The following HMGA2 variants were observed in gnomAD, a reference collection of about 807,000 sequenced individuals.
HMGA2 encodes high mobility group AT-hook 2, also known as high mobility group protein HMGI-C.
Under a neutral mutation model 19.1 loss-of-function variants are expected in HMGA2, and 8 were observed. That is an observed-to-expected ratio of 0.42 (90% CI 0.25 to 0.76). The LOEUF (loss-of-function observed/expected upper bound fraction) is 0.76. Ranked by LOEUF, HMGA2 falls within the 30% of genes least tolerant of loss-of-function variation. The pLI is 0.28. For missense variants in HMGA2, 109 were observed against 136.3 expected (o/e 0.80, Z 1.00); for synonymous variants, 60 against 48.8 (o/e 1.23, Z -0.96).
chr12:65,952,334 A>G, intron 4 of HMGA2: 1 of 1,524,352 alleles, frequency 6.6e-7, no homozygotes, highest in East Asian at 2.5e-5. Flanking sequence ...TTACAAATCT[A>G]CCTTGCATCC....
At chr12:65,841,103 T>C (rs1265634957) in intron 3 of HMGA2, among the ~76,000 whole-genome samples, 2 of 152,158 alleles carry the variant, frequency 1.3e-5, no homozygotes, top group African/African-American at 4.8e-5. Context: ...CCTTAAACAG[T>C]TGATGATTCA....
At chr12:65,904,924 C>A (rs1341970106) in intron 3 of HMGA2, among the ~76,000 whole-genome samples, 4 of 151,978 alleles carry the variant, frequency 2.6e-5, no homozygotes, top group Non-Finnish European at 2.9e-5. Flanking sequence ...TGCCTGTAAT[C>A]CCAGCTACTT....
At chr12:65,848,179 T>G (rs559964336) in intron 3 of HMGA2, among the ~76,000 whole-genome samples, 1 of 152,338 alleles carries the variant, frequency 6.6e-6, no homozygotes, top group South Asian at 2.1e-4. Context: ...TAGACTCTTA[T>G]GCTGTACCTT....
At chr12:65,919,394 AG>A (rs1292699599) in intron 3 of HMGA2, among the ~76,000 whole-genome samples, 3 of 152,244 alleles carry the variant, frequency 2.0e-5, no homozygotes, top group Non-Finnish European at 2.9e-5. Context: ...AAAAAATGGT[AG>A]TAGTCCCATT....
intron 3 of HMGA2, among the ~76,000 whole-genome samples, chr12:65,888,458 C>CA (rs1430664583): frequency 1.4e-5 from 2 of 145,734 alleles, no homozygotes; most frequent in Non-Finnish European, 3.0e-5. Flanking sequence ...CAGTCCCCCC[C>CA]AAAAAAAGAA....
intron 3 of HMGA2, among the ~76,000 whole-genome samples, chr12:65,852,489 C>T (rs972838489): frequency 9.2e-5 from 14 of 152,078 alleles, no homozygotes; most frequent in African/African-American, 3.4e-4. Context: ...GGTGACAGAG[C>T]GAGACTCTGT....
intron 3 of HMGA2, among the ~76,000 whole-genome samples, chr12:65,941,808 A>T (rs778534408): frequency 3.9e-5 from 6 of 152,238 alleles, no homozygotes; most frequent in Non-Finnish European, 8.8e-5. Flanking sequence ...CTTGGAACCA[A>T]ATAAATTTTC....
intron 2 of HMGA2, among the ~76,000 whole-genome samples, chr12:65,833,104 C>A (rs1870546754): frequency 6.6e-6 from 1 of 151,978 alleles, no homozygotes; most frequent in Non-Finnish European, 1.5e-5. Flanking sequence ...CTTATATTTT[C>A]TATTGGAAAA....
chr12:65,888,193 C>T (rs894471774), intron 3 of HMGA2, among the ~76,000 whole-genome samples: 1 of 152,010 alleles, frequency 6.6e-6, no homozygotes, highest in Non-Finnish European at 1.5e-5. Flanking sequence ...CAGTGGCACA[C>T]ACCTGTAATC....
At chr12:65,898,502 C>CT (rs112914957) in intron 3 of HMGA2, among the ~76,000 whole-genome samples, 215 of 151,424 alleles carry the variant, frequency 1.4e-3, no homozygotes, top group African/African-American at 4.8e-3. Flanking sequence ...AACGAGGCAT[C>CT]TTTTTTTTTC....
intron 3 of HMGA2, among the ~76,000 whole-genome samples, chr12:65,907,837 T>G (rs974458260): frequency 2.0e-5 from 3 of 152,120 alleles, no homozygotes; most frequent in Admixed American, 1.3e-4. Context: ...TGTAATTGGG[T>G]TTCCAACATA....
rs1555179157 is a variant in HMGA2 at position 65,824,737 on chromosome 12, C to CTG, written c.-533_-532insGT. On this transcript the variant is annotated 5_prime_UTR_variant, in exon 1 of 5. Coordinates refer to ENST00000403681, the MANE Select transcript of HMGA2 (RefSeq NM_003483.6). The stretch of plus-strand genomic sequence containing the variant: ...CTTCTCTCTCTCTCTCTCTCTCTCT[C>CTG]TCTCTCTCTCTCTCTCTCTCTCTCT... The CTG allele has an allele frequency of 8.9e-4, 181 of 203,838 alleles. 2 individuals carry two copies. The highest frequency in any genetic ancestry group is 8.3e-3 in the Middle Eastern group (6 of 726). 12.6% of individuals were successfully genotyped at this position (203,838 alleles called of 1,614,324 possible).
At chr12:65,934,353 T>TCTCTAATAA (rs1437073724) in intron 3 of HMGA2, among the ~76,000 whole-genome samples, 8 of 152,212 alleles carry the variant, frequency 5.3e-5, no homozygotes, top group Admixed American at 3.9e-4. Context: ...ATGACCATAT[T>TCTCTAATAA]CTCTAATAAC....
chr12:65,933,157 T>C (rs1875775205), intron 3 of HMGA2, among the ~76,000 whole-genome samples: 1 of 152,026 alleles, frequency 6.6e-6, no homozygotes, highest in African/African-American at 2.4e-5. Flanking sequence ...CTAGTATAAT[T>C]TGAAGATAAA....
At chr12:65,875,589 ATTTTTTTTTTTTTTTTTTTTTTTTTTTTT>A (rs71096056) in intron 3 of HMGA2, among the ~76,000 whole-genome samples, 1 of 26,098 alleles carries the variant, frequency 3.8e-5, no homozygotes, top group East Asian at 1.0e-3. Context: ...GTGCCCGGCT[ATTTTTTTTTTTTTTTTTTTTTTTTTTTTT>A]TTTTTTTTTT....
chr12:65,886,260 G>A (rs890468543), intron 3 of HMGA2, among the ~76,000 whole-genome samples: 3 of 152,108 alleles, frequency 2.0e-5, no homozygotes, highest in Non-Finnish European at 2.9e-5. Context: ...AGACCAGACT[G>A]TTCTTAAGCT....
chr12:65,928,358 T>G (rs1343949728), intron 3 of HMGA2, among the ~76,000 whole-genome samples: 1 of 152,180 alleles, frequency 6.6e-6, no homozygotes, highest in East Asian at 1.9e-4. Context: ...AGACTGGAAG[T>G]TGTGGTTGCT....
Position 65,954,858 on chromosome 12 carries a change from T to G in HMGA2, c.282+3443T>G, listed in dbSNP as rs541433440. The G allele has an allele frequency of 3.3e-5, 5 of 152,342 alleles. No homozygotes were observed. The East Asian group carries it at 7.7e-4, about 23-fold the overall frequency. The allele number at this position is 152,342 out of a possible 1,614,324, so 9.4% of individuals were successfully genotyped here. A position where few individuals can be genotyped will look rare whatever the true frequency, so the allele number is the denominator to read the frequency against. On this transcript the variant is annotated intron_variant, in intron 4 of 4. Coordinates refer to ENST00000403681, the MANE Select transcript of HMGA2 (RefSeq NM_003483.6). ...AAAACAGCTTACAAAATAACTCTACTATATTTCCACTTCAAGTGATAAACA... is the reference window on the plus strand; with the variant it reads ...AAAACAGCTTACAAAATAACTCTACGATATTTCCACTTCAAGTGATAAACA...
At chr12:65,896,526 C>T (rs1450359957) in intron 3 of HMGA2, among the ~76,000 whole-genome samples, 1 of 152,192 alleles carries the variant, frequency 6.6e-6, no homozygotes, top group Non-Finnish European at 1.5e-5. Flanking sequence ...CTCTCTTTCT[C>T]TTTCTCTCTC....
Sources: gnomAD v4.1 joint callset for allele counts (sites outside exome capture counted in the v4.1 genomes callset) on GRCh38, gnomAD v4.1.1 for gene constraint, MANE v1.5 for transcripts, NCBI Gene and HGNC (gene_info 2026-07-23, HGNC 2026-07-21) for gene names.